Variants in TRAP1 observed in about 807,000 individuals in gnomAD.
TRAP1 encodes heat shock protein 75 kDa, mitochondrial.
A neutral mutation model predicts 89.1 loss-of-function variants in TRAP1; 102 were observed. That is an observed-to-expected ratio of 1.15 (90% CI 0.98 to 1.35). The LOEUF (loss-of-function observed/expected upper bound fraction) is 1.35, where lower values mean the gene tolerates loss of function less well. Ranked by LOEUF, TRAP1 falls within the 40% of genes most tolerant of loss-of-function variation. The pLI, the probability that TRAP1 is intolerant of heterozygous loss-of-function variation, is 0.00. For missense variants in TRAP1, 1,256 were observed against 945.3 expected, an observed-to-expected ratio of 1.33 and a Z score of -4.31; for synonymous variants, 508 against 388.0, an observed-to-expected ratio of 1.31 and a Z score of -3.64.
intron 8 of TRAP1, 119 bp from the exon 9 acceptor site, chr16:3,674,613 G>A (rs2050962607): frequency 1.3e-5 from 17 of 1,275,846 alleles, no homozygotes; most frequent in Non-Finnish European, 1.8e-5. Flanking sequence ...ACAGACGGGC[G>A]GTGGTCTCAG....
intron 16 of TRAP1, chr16:3,659,628 G>T (rs554709620): frequency 5.3e-5 from 8 of 152,208 alleles, no homozygotes; most frequent in African/African-American, 1.9e-4. Context: ...GGGCTCTGGG[G>T]AACTGTAAAT....
chr16:3,714,174 A>G (rs537769481), intron 1 of TRAP1, among the ~76,000 whole-genome samples: 1 of 152,202 alleles, frequency 6.6e-6, no homozygotes, highest in East Asian at 1.9e-4. Context: ...TTGTTTCTCT[A>G]ATGTGCTGTC....
chr16:3,660,906 A>T (rs2043037528), intron 16 of TRAP1: 1 of 152,162 alleles, frequency 6.6e-6, no homozygotes, highest in Non-Finnish European at 1.5e-5. Context: ...CCTGGGGGAC[A>T]GAGTGAGACC....
intron 16 of TRAP1, chr16:3,659,411 A>G (rs1322794213): frequency 6.6e-6 from 1 of 152,242 alleles, no homozygotes; most frequent in Non-Finnish European, 1.5e-5. Flanking sequence ...GGGATCAAAG[A>G]TGACAAGCAC....
At chr16:3,707,690 C>T (rs1485409538) in intron 1 of TRAP1, among the ~76,000 whole-genome samples, 1 of 150,398 alleles carries the variant, frequency 6.6e-6, no homozygotes, top group Non-Finnish European at 1.5e-5. Flanking sequence ...CCCGTCTCTA[C>T]CAAAAATACA....
intron 3 of TRAP1, among the ~76,000 whole-genome samples, chr16:3,687,846 C>T (rs952630577): frequency 1.8e-5 from 2 of 113,648 alleles, no homozygotes; most frequent in African/African-American, 6.6e-5. Context: ...AGACCCTGTT[C>T]CAAAAAATTA....
chr16:3,681,947 T>G (rs2051078035), intron 4 of TRAP1, among the ~76,000 whole-genome samples: 1 of 152,210 alleles, frequency 6.6e-6, no homozygotes, highest in Admixed American at 6.5e-5. Flanking sequence ...AAATACCTAA[T>G]TTTAAGACTT....
At position 3,662,360 on chromosome 16, in the gene TRAP1, C is replaced by T. The variant is rs898100934; in HGVS notation, c.1795-228G>A. On this transcript the variant is annotated intron_variant, in intron 15 of 17. Coordinates refer to ENST00000246957, the MANE Select transcript of TRAP1 (RefSeq NM_016292.3). ...GAGGGGCTCCACCACCCTGGTGCCC[C>T]GCTGCTGCCTCCAGGAGCTGCCCGA... 18 of 609,430 alleles carry T rather than the reference C, an allele frequency of 3.0e-5. 1 individual carries two copies. The highest frequency in any genetic ancestry group is 6.0e-5 in the Admixed American group (2 of 33,146). 37.8% of individuals were successfully genotyped at this position (609,430 alleles called of 1,614,324 possible). A position where few individuals can be genotyped will look rare whatever the true frequency, so the allele number is the denominator to read the frequency against.
intron 11 of TRAP1, among the ~76,000 whole-genome samples, chr16:3,667,781 C>T (rs1252478143): frequency 0.047 from 7 of 148 alleles, no homozygotes; most frequent in South Asian, 0.33. Context: ...TTCCATCCGA[C>T]GAATCTTGCT....
intron 11 of TRAP1, among the ~76,000 whole-genome samples, chr16:3,670,266 CAGCTGAGACGGGA>C (rs1274520508): frequency 1.3e-5 from 2 of 150,806 alleles, no homozygotes; most frequent in African/African-American, 4.9e-5. Flanking sequence ...CCTGTAGTCC[CAGCTGAGACGGGA>C]GGCTGAGACA....
intron 7 of TRAP1, among the ~76,000 whole-genome samples, 156 bp from the exon 8 acceptor site, chr16:3,675,553 G>A (rs904466061): frequency 1.7e-4 from 26 of 152,172 alleles, no homozygotes; most frequent in African/African-American, 6.3e-4. Flanking sequence ...GGGGACACCT[G>A]TCCTCCCCCC....
chr16:3,702,252 G>A (rs1257420132), intron 1 of TRAP1, among the ~76,000 whole-genome samples: 6 of 151,704 alleles, frequency 4.0e-5, no homozygotes, highest in African/African-American at 1.2e-4. Flanking sequence ...TAGGAGCCAA[G>A]GCCCAATGAC....
rs143857142 is a variant in TRAP1 at position 3,674,357 on chromosome 16, G to C, written c.1026C>G (p.Ile342Met). ...KTDAPLNIRS[I>M]FYVPDMKPSM... ...GCCTCACCATGTCGGGCACGTAGAAGATGCTGCGGATGTTGAGCGGTGCGT... is the reference window on the plus strand; with the variant it reads ...GCCTCACCATGTCGGGCACGTAGAACATGCTGCGGATGTTGAGCGGTGCGT... The change falls in exon 9 of 18, where the codon ATC becomes ATG. Residue 342 changes from isoleucine to methionine, a missense_variant. Ile to Met is a conservative substitution (Grantham distance 10, BLOSUM62 1). Coordinates refer to ENST00000246957, the MANE Select transcript of TRAP1 (RefSeq NM_016292.3). 1 of 1,613,934 alleles carries C rather than the reference G, an allele frequency of 6.2e-7. No individual in the cohort carries two copies. The highest frequency in any genetic ancestry group is 1.3e-5 in the African/African-American group (1 of 74,944).
At chr16:3,671,821 G>A (rs1230562619) in intron 10 of TRAP1, 30 bp from the exon 11 acceptor site, 1 of 1,608,172 alleles carries the variant, frequency 6.2e-7, no homozygotes. Context: ...GCTTCTCCCG[G>A]GGCTGCGGCC....
intron 2 of TRAP1, among the ~76,000 whole-genome samples, chr16:3,689,460 A>G (rs554373777): frequency 1.6e-4 from 24 of 152,216 alleles, no homozygotes; most frequent in Admixed American, 5.9e-4. Flanking sequence ...TAGCCAGGAT[A>G]GCCTCGATCT....
chr16:3,695,802 G>A (rs2051279308), intron 1 of TRAP1, among the ~76,000 whole-genome samples: 1 of 152,112 alleles, frequency 6.6e-6, no homozygotes, highest in Non-Finnish European at 1.5e-5. Context: ...GTCTGAGCCC[G>A]ATTTACGCAT....
chr16:3,675,756 T>A (rs912162397), intron 7 of TRAP1, among the ~76,000 whole-genome samples: 2 of 152,178 alleles, frequency 1.3e-5, no homozygotes, highest in African/African-American at 2.4e-5. Context: ...GGGACAGGAC[T>A]GCGCCAAACC....
chr16:3,710,879 A>ATATATATATTTTTTT (rs71133652), intron 1 of TRAP1, among the ~76,000 whole-genome samples: 18 of 125,834 alleles, frequency 1.4e-4, no homozygotes, highest in East Asian at 7.1e-4. Context: ...ATATATATAT[A>ATATATATATTTTTTT]TTTTTTTTTT....
chr16:3,707,129 G>A lies in TRAP1; in HGVS notation c.88+10292C>T, dbSNP rs1596753619. On this transcript the variant is annotated intron_variant, in intron 1 of 17. Coordinates refer to ENST00000246957, the MANE Select transcript of TRAP1 (RefSeq NM_016292.3). Reference sequence around the variant, plus strand: ...TAACTCACTGTAGTTTTGCTTTGCAGTTCCTAAACTGCCAGGCATCTTGAG... The same window carrying A: ...TAACTCACTGTAGTTTTGCTTTGCAATTCCTAAACTGCCAGGCATCTTGAG... 4.0e-5 allele frequency among the ~76,000 whole-genome samples: 6 copies of A among 150,370 alleles called. No individual in the cohort carries two copies. The South Asian group carries it at 1.1e-3, about 26-fold the overall frequency.
Sources: allele counts gnomAD v4.1 joint callset (sites outside exome capture counted in the v4.1 genomes callset), GRCh38; gene constraint gnomAD v4.1.1; transcripts MANE v1.5; gene names NCBI Gene and HGNC (gene_info 2026-07-23, HGNC 2026-07-21).